RAB11FIP4: variants seen among roughly 807,000 people sequenced by gnomAD.
RAB11FIP4 encodes rab11 family-interacting protein 4.
A neutral mutation model predicts 74.3 loss-of-function variants in RAB11FIP4; 23 were observed. That is an observed-to-expected ratio of 0.31 (90% CI 0.22 to 0.44). The LOEUF (loss-of-function observed/expected upper bound fraction) is 0.44, where lower values mean the gene tolerates loss of function less well. RAB11FIP4 is among the 20% of genes least tolerant of loss of function. The probability of loss-of-function intolerance (pLI) is 1.00; values close to 1 mark genes in which losing one functional copy is unlikely to be tolerated. For synonymous variants in RAB11FIP4, 360 were observed against 359.9 expected (o/e 1.00, Z 0.00); for missense variants, 630 against 863.9 (o/e 0.73, Z 3.39).
intron 1 of RAB11FIP4, among the ~76,000 whole-genome samples, chr17:31,405,431 G>A (rs759120922): frequency 5.3e-5 from 8 of 151,952 alleles, no homozygotes; most frequent in East Asian, 3.9e-4. Context: ...GTGCAGTGGC[G>A]TGATCTCGGC....
chr17:31,444,400 A>G (rs533806594), intron 3 of RAB11FIP4, among the ~76,000 whole-genome samples: 1 of 151,186 alleles, frequency 6.6e-6, no homozygotes, highest in South Asian at 2.1e-4. Flanking sequence ...CCCAAGCCTC[A>G]GAGCTTCTGT....
At chr17:31,399,448 C>T (rs191541318) in intron 1 of RAB11FIP4, among the ~76,000 whole-genome samples, 15 of 152,322 alleles carry the variant, frequency 9.8e-5, no homozygotes, top group Admixed American at 5.9e-4. Flanking sequence ...TGTGGTGGCT[C>T]AACCCTGTCA....
intron 3 of RAB11FIP4, among the ~76,000 whole-genome samples, chr17:31,474,767 G>A (rs1268743858): frequency 2.0e-5 from 3 of 152,032 alleles, no homozygotes; most frequent in South Asian, 4.2e-4. Context: ...GCTTGAACCC[G>A]GGAGGTGGAG....
chr17:31,517,197 G>C (rs975523281), intron 3 of RAB11FIP4, among the ~76,000 whole-genome samples: 4 of 131,080 alleles, frequency 3.1e-5, no homozygotes, highest in Admixed American at 1.5e-4. Flanking sequence ...GGTGCGGGGG[G>C]GGGGGCGGTG....
intron 1 of RAB11FIP4, among the ~76,000 whole-genome samples, chr17:31,402,788 ATTT>A (rs1330720323): frequency 2.0e-5 from 3 of 147,206 alleles, no homozygotes; most frequent in African/African-American, 5.0e-5. Context: ...CTCCTGGCTA[ATTT>A]TTTTTTTGTA....
rs2072971773 is a variant in RAB11FIP4 at position 31,536,783 on chromosome 17, C to CT, written c.*5052dup. On this transcript the variant is annotated 3_prime_UTR_variant, in exon 15 of 15. Coordinates refer to ENST00000621161, the MANE Select transcript of RAB11FIP4 (RefSeq NM_032932.6). ...GCCCTACCTGCATGGCAGGACAACT[C>CT]TGAGGCCCTTCTGCCATATTCTCTG... The CT allele has an allele frequency of 2.6e-6, 1 of 390,546 alleles. No individual in the cohort carries two copies. Among genetic ancestry groups the CT allele is most frequent in the Non-Finnish European group, 4.5e-6 (1 of 221,448 alleles). The allele number at this position is 390,546 out of a possible 1,614,324, so 24.2% of individuals were successfully genotyped here. A position where few individuals can be genotyped will look rare whatever the true frequency, so the allele number is the denominator to read the frequency against.
intron 1 of RAB11FIP4, among the ~76,000 whole-genome samples, chr17:31,408,623 C>T (rs554309650): frequency 2.0e-5 from 3 of 152,294 alleles, no homozygotes; most frequent in African/African-American, 7.2e-5. Flanking sequence ...TAAGCCATGC[C>T]ATCCAGTTCA....
At chr17:31,527,795 T>C in intron 10 of RAB11FIP4, 47 bp from the exon 11 acceptor site, 1 of 1,439,144 alleles carries the variant, frequency 6.9e-7, no homozygotes, top group Non-Finnish European at 9.6e-7. Flanking sequence ...GCTTATCAGA[T>C]AGTCTACATT....
chr17:31,482,564 T>C (rs916102060), intron 3 of RAB11FIP4, among the ~76,000 whole-genome samples: 9 of 151,220 alleles, frequency 6.0e-5, no homozygotes, highest in Admixed American at 5.9e-4. Context: ...GCACTCCAGC[T>C]TGGGCGACAG....
chr17:31,494,641 A>AT lies in RAB11FIP4; in HGVS notation c.337-23003dup, dbSNP rs201569779. 1.0e-3 allele frequency among the ~76,000 whole-genome samples: 149 copies of AT among 145,804 alleles called. No individual in the cohort carries two copies. In the South Asian group the frequency reaches 0.014, roughly 13 times the overall value. On this transcript the variant is annotated intron_variant, in intron 3 of 14. Coordinates refer to ENST00000621161, the MANE Select transcript of RAB11FIP4 (RefSeq NM_032932.6). Reference sequence around the variant, plus strand: ...ATCTTTTTTTTCAATTTTAATTTTAATTTTTTTAAAAAAAAAGTAGAAATG... The same window carrying AT: ...ATCTTTTTTTTCAATTTTAATTTTAATTTTTTTTAAAAAAAAAGTAGAAATG...
rs1025452335 is a variant in RAB11FIP4, at chr17:31,403,025, G to A, written c.159+11014G>A. ...ATTTGTGGCACTGTTGTGATGGTTG[G>A]AGATTGAATATATAGAGATATATGA... On this transcript the variant is annotated intron_variant, in intron 1 of 14. Transcript: ENST00000621161. 8.5e-5 allele frequency among the ~76,000 whole-genome samples: 13 copies of A among 152,184 alleles called. 2 individuals carry two copies. The highest frequency in any genetic ancestry group is 8.5e-4 in the Admixed American group (13 of 15,288).
chr17:31,434,901 G>T (rs1356482384), intron 3 of RAB11FIP4, among the ~76,000 whole-genome samples: 3 of 152,230 alleles, frequency 2.0e-5, no homozygotes, highest in Admixed American at 2.0e-4. Context: ...TCAAGAATTT[G>T]TAGGCCTGGC....
chr17:31,437,376 G>A (rs1024606282), intron 3 of RAB11FIP4, among the ~76,000 whole-genome samples: 1 of 152,214 alleles, frequency 6.6e-6, no homozygotes, highest in Non-Finnish European at 1.5e-5. Flanking sequence ...CAGATGAGGT[G>A]TCAGAGTGGG....
chr17:31,428,096 G>T (rs1279437156), intron 1 of RAB11FIP4, among the ~76,000 whole-genome samples: 1 of 152,156 alleles, frequency 6.6e-6, no homozygotes, highest in Admixed American at 6.5e-5. Context: ...GAAAAGCAGG[G>T]TCAGCTGGAA....
intron 1 of RAB11FIP4, among the ~76,000 whole-genome samples, chr17:31,399,679 C>T (rs764496346): frequency 2.0e-5 from 3 of 151,992 alleles, no homozygotes; most frequent in Non-Finnish European, 4.4e-5. Flanking sequence ...CACCACTGCA[C>T]TCCAGCCTGG....
intron 3 of RAB11FIP4, among the ~76,000 whole-genome samples, chr17:31,489,630 A>G (rs1254182410): frequency 7.2e-5 from 11 of 152,210 alleles, no homozygotes; most frequent in African/African-American, 2.4e-4. Flanking sequence ...TTGCAAGCTC[A>G]GGCAGTCTGA....
In RAB11FIP4 at chr17:31,514,477, C is replaced by T. The variant is rs375861265; in HGVS notation, c.337-3174C>T. Among the ~76,000 whole-genome samples the T allele has an allele frequency of 9.2e-5, 13 of 141,150 alleles. 1 individual carries two copies. Among genetic ancestry groups the T allele is most frequent in the African/African-American group, 3.1e-4 (11 of 35,108 alleles). The allele number at this position is 141,150 out of a possible 152,430, so 92.6% of individuals were successfully genotyped here. ...GGTGTTGGGGAAACAGAATCATGTC[C>T]GGACCCGGCTGTAAACTCCCACATG... On this transcript the variant is annotated intron_variant, in intron 3 of 14. Transcript: ENST00000621161.
intron 3 of RAB11FIP4, among the ~76,000 whole-genome samples, chr17:31,504,231 C>A (rs1435146114): frequency 2.0e-5 from 3 of 146,392 alleles, no homozygotes; most frequent in African/African-American, 8.3e-5. Context: ...CCTGGGTTCA[C>A]GCCATTCCCC....
intron 3 of RAB11FIP4, among the ~76,000 whole-genome samples, chr17:31,461,744 G>A (rs1281320092): frequency 6.6e-6 from 1 of 151,184 alleles, no homozygotes; most frequent in African/African-American, 2.4e-5. Context: ...TTGAGACAAG[G>A]TCTTGCTCTG....
Sources: gnomAD v4.1 joint callset for allele counts (sites outside exome capture counted in the v4.1 genomes callset) on GRCh38, gnomAD v4.1.1 for gene constraint, MANE v1.5 for transcripts, NCBI Gene and HGNC (gene_info 2026-07-23, HGNC 2026-07-21) for gene names.